HTR4: variants seen among roughly 807,000 people sequenced by gnomAD.
The protein encoded by HTR4 is 5-hydroxytryptamine receptor 4, also known as 5-hydroxytryptamine (serotonin) receptor 4, G protein-coupled.
HTR4 carries 16 observed loss-of-function variants against 36.8 expected under a neutral mutation model. The ratio of observed to expected loss-of-function variants is 0.43; its 90% CI spans 0.29 to 0.66. HTR4 has a LOEUF of 0.66. Ranked by LOEUF, HTR4 falls within the 30% of genes least tolerant of loss-of-function variation. HTR4 has a pLI of 0.13. For missense variants in HTR4, 438 were observed against 490.9 expected (o/e 0.89, Z 1.02); for synonymous variants, 189 against 185.1 (o/e 1.02, Z -0.17).
intron 5 of HTR4, among the ~76,000 whole-genome samples, chr5:148,462,708 C>A (rs889406908): frequency 6.6e-6 from 1 of 151,824 alleles, no homozygotes; most frequent in African/African-American, 2.4e-5. Context: ...TACAAAAAAA[C>A]AAAAAACCCT....
chr5:148,546,844 A>G (rs1039569090), intron 4 of HTR4, among the ~76,000 whole-genome samples: 2 of 152,222 alleles, frequency 1.3e-5, no homozygotes, highest in African/African-American at 4.8e-5. Context: ...TGTATTTCCT[A>G]TAATACAAAC....
At chr5:148,544,879 A>C (rs1051662202) in intron 4 of HTR4, among the ~76,000 whole-genome samples, 3 of 152,152 alleles carry the variant, frequency 2.0e-5, no homozygotes, top group African/African-American at 7.2e-5. Context: ...TGCTCAAAGG[A>C]ACTACCCCTT....
At chr5:148,622,817 C>G (rs1188749359) in intron 2 of HTR4, among the ~76,000 whole-genome samples, 5 of 152,146 alleles carry the variant, frequency 3.3e-5, no homozygotes, top group African/African-American at 4.8e-5. Context: ...GGTTTTATTA[C>G]TAGCCAGAAT....
At chr5:148,590,359 C>T (rs1488285390) in intron 2 of HTR4, among the ~76,000 whole-genome samples, 3 of 115,198 alleles carry the variant, frequency 2.6e-5, no homozygotes, top group Non-Finnish European at 4.8e-5. Context: ...AGTGCAATGG[C>T]GTGATCTTGG....
At chr5:148,554,142 C>T (rs1759823996) in intron 2 of HTR4, among the ~76,000 whole-genome samples, 2 of 152,310 alleles carry the variant, frequency 1.3e-5, no homozygotes, top group East Asian at 1.9e-4. Context: ...ATGGCGCGAT[C>T]TTGGCTCACT....
intron 5 of HTR4, among the ~76,000 whole-genome samples, chr5:148,518,276 C>T (rs893483431): frequency 5.9e-5 from 9 of 151,986 alleles, no homozygotes; most frequent in Admixed American, 2.0e-4. Context: ...TTATTGTCTG[C>T]CTCTCTTTGT....
chr5:148,638,424 C>T (rs750731271), intron 1 of HTR4, among the ~76,000 whole-genome samples: 11 of 152,190 alleles, frequency 7.2e-5, no homozygotes, highest in Non-Finnish European at 1.5e-4. Flanking sequence ...ATCCTCTTTC[C>T]TTGTCTATCT....
chr5:148,457,835 TTTG>T (rs1227393091), intron 5 of HTR4, among the ~76,000 whole-genome samples: 1 of 142,118 alleles, frequency 7.0e-6, no homozygotes, highest in Non-Finnish European at 1.5e-5. Context: ...AAATATATAT[TTTG>T]TTATATCATT....
At chr5:148,621,744 T>C (rs954500129) in intron 2 of HTR4, among the ~76,000 whole-genome samples, 6 of 152,228 alleles carry the variant, frequency 3.9e-5, no homozygotes, top group African/African-American at 1.4e-4. Context: ...GGGTGGCTTC[T>C]AGTGAAGTCT....
At chr5:148,466,156 A>G (rs77133326) in intron 5 of HTR4, among the ~76,000 whole-genome samples, 34 of 152,322 alleles carry the variant, frequency 2.2e-4, no homozygotes, top group African/African-American at 7.9e-4. Flanking sequence ...TTAGTGTTTC[A>G]TCTGAGTCTT....
intron 5 of HTR4, among the ~76,000 whole-genome samples, chr5:148,463,705 T>G (rs747627399): frequency 3.0e-4 from 46 of 151,726 alleles, no homozygotes; most frequent in Non-Finnish European, 5.0e-4. Context: ...GTTTTTTTTT[T>G]TTGTTTGTTT....
chr5:148,490,204 C>CAT (rs922011441), intron 6 of HTR4, among the ~76,000 whole-genome samples: 4 of 147,016 alleles, frequency 2.7e-5, no homozygotes, highest in East Asian at 3.9e-4. Flanking sequence ...TATATATATA[C>CAT]ATATATATAT....
chr5:148,589,378 G>A lies in HTR4; in HGVS notation c.27-39116C>T, dbSNP rs58645870. 4.6e-5 allele frequency among the ~76,000 whole-genome samples: 7 copies of A among 152,086 alleles called. No homozygotes were observed. The East Asian group carries it at 1.3e-3, about 29-fold the overall frequency. ...TCCTGACATTCTGCCAGCCCTTGTT[G>A]TCTTTGATTTATAAAGTTTTGCCAA... On this transcript the variant is annotated intron_variant, in intron 2 of 6. Transcript: ENST00000377888.
Position 148,509,944 on chromosome 5 carries a change from G to A in HTR4, c.588C>T (p.Cys196=), listed in dbSNP as rs768800337. 5.6e-6 allele frequency: 9 copies of A among 1,613,644 alleles called. No individual in the cohort carries two copies. In the South Asian group the frequency reaches 8.8e-5, roughly 16 times the overall value. The change falls in exon 6 of 7, where the codon TGC becomes TGT. Residue 196 remains cysteine (C), a synonymous_variant. Coordinates refer to ENST00000377888, the MANE Select transcript of HTR4 (RefSeq NM_000870.7). ...ATGGGATGTAGAAGGCCACCACAGA[G>A]CAGGTGATGGCGTAGGGCTTGTTGA... The part of the protein sequence containing the change: ...FMVNKPYAIT[C]SVVAFYIPFL...
At chr5:148,587,984 C>T (rs1055298389) in intron 2 of HTR4, among the ~76,000 whole-genome samples, 1 of 152,148 alleles carries the variant, frequency 6.6e-6, no homozygotes, top group African/African-American at 2.4e-5. Flanking sequence ...AACTGACTGC[C>T]CTCAGTTTTC....
At chr5:148,621,907 T>C (rs10078551) in intron 2 of HTR4, among the ~76,000 whole-genome samples, 40,366 of 152,070 alleles carry the variant, frequency 0.27, 5,883 homozygotes, top group Non-Finnish European at 0.34. Flanking sequence ...AATACTTCAT[T>C]CTGAGTTACT....
chr5:148,653,630 C>G (rs933118828), intron 1 of HTR4, among the ~76,000 whole-genome samples: 8 of 149,226 alleles, frequency 5.4e-5, no homozygotes, highest in Admixed American at 3.3e-4. Flanking sequence ...CACACACACA[C>G]AGCACACTCT....
At chr5:148,545,942 T>C (rs531677847) in intron 4 of HTR4, among the ~76,000 whole-genome samples, 1 of 152,224 alleles carries the variant, frequency 6.6e-6, no homozygotes, top group African/African-American at 2.4e-5. Context: ...ATAAAACATA[T>C]TTGGAGGGAA....
At position 148,509,885 on chromosome 5, in the gene HTR4, T is replaced by G; in HGVS notation, c.647A>C (p.Tyr216Ser). 6.2e-7 allele frequency: 1 copy of G among 1,613,906 alleles called. No individual in the cohort carries two copies. Among genetic ancestry groups the G allele is most frequent in the Non-Finnish European group, 8.5e-7 (1 of 1,179,980 alleles). ...LLMVLAYYRI[Y>S]VTAKEHAHQI... is the part of the protein sequence containing the mutation. The stretch of plus-strand genomic sequence containing the variant: ...ATGGGCATGCTCCTTAGCTGTGACA[T>G]AGATGCGGTAATAGGCCAGCACCAT... Residue 216 changes from tyrosine to serine, a missense_variant, in exon 6 of 7, where the codon TAT (tyrosine) becomes TCT (serine). Coordinates refer to ENST00000377888, the MANE Select transcript of HTR4 (RefSeq NM_000870.7).
Sources: gnomAD v4.1 joint callset for allele counts (sites outside exome capture counted in the v4.1 genomes callset) on GRCh38, gnomAD v4.1.1 for gene constraint, MANE v1.5 for transcripts, NCBI Gene and HGNC (gene_info 2026-07-23, HGNC 2026-07-21) for gene names.